The following STRN3 variants were observed in gnomAD, a reference collection of about 807,000 sequenced individuals.
STRN3 encodes striatin-3.
Under a neutral mutation model 95.6 loss-of-function variants are expected in STRN3, and 29 were observed. The ratio of observed to expected loss-of-function variants is 0.30; its 90% confidence interval spans 0.23 to 0.41. The LOEUF is 0.41. STRN3 is among the 10% of genes least tolerant of loss of function. STRN3 has a pLI of 1.00. For synonymous variants in STRN3, 331 were observed against 357.6 expected, an observed-to-expected ratio of 0.93 and a Z score of 0.84; for missense variants, 890 against 972.1, an observed-to-expected ratio of 0.92 and a Z score of 1.12.
intron 3 of STRN3, among the ~76,000 whole-genome samples, chr14:30,951,680 G>C (rs189866259): frequency 1.3e-5 from 2 of 152,270 alleles, no homozygotes; most frequent in East Asian, 3.9e-4. Flanking sequence ...GTCTATATCA[G>C]TGGACCTTAA....
Position 30,920,435 on chromosome 14 carries a change from G to A in STRN3, c.1100-1329C>T, listed in dbSNP as rs143872892. On this transcript the variant is annotated intron_variant, in intron 8 of 17. Transcript: ENST00000357479. ...TGTCCAACCACCAGTTACATTCAAC[G>A]TAAAAGAACATAAACATTATTCTTT... 5.4e-3 allele frequency among the ~76,000 whole-genome samples: 819 copies of A among 152,028 alleles called. 7 individuals are homozygous for A. The highest frequency in any genetic ancestry group is 0.019 in the African/African-American group (772 of 41,472).
At chr14:30,929,094 C>A in intron 8 of STRN3, 107 bp downstream of exon 8, 1 of 812,512 alleles carries the variant, frequency 1.2e-6, no homozygotes, top group Admixed American at 2.9e-5. Context: ...AAGTTAGTTG[C>A]CCCCTTTATG....
intron 12 of STRN3, 133 bp from the exon 13 acceptor site, chr14:30,911,295 CTTTTTTTT>C (rs11297035): frequency 5.7e-5 from 26 of 453,282 alleles, no homozygotes; most frequent in East Asian, 4.0e-4. Context: ...CTGACTGGTA[CTTTTTTTT>C]TTTTTTTTTT....
chr14:31,013,681 A>G (rs923263360), intron 1 of STRN3, among the ~76,000 whole-genome samples: 2 of 151,090 alleles, frequency 1.3e-5, no homozygotes, highest in African/African-American at 2.4e-5. Flanking sequence ...ACAACTTCAA[A>G]CTCCTGGGCT....
chr14:30,933,946 G>A (rs1878684464), intron 7 of STRN3, among the ~76,000 whole-genome samples: 1 of 152,116 alleles, frequency 6.6e-6, no homozygotes, highest in South Asian at 2.1e-4. Flanking sequence ...TAAAATCCAA[G>A]TGTTTGCTAT....
At position 30,935,234 on chromosome 14, in the gene STRN3, T is replaced by C; in HGVS notation, c.917A>G (p.Asp306Gly). 13 of 1,614,130 alleles carry C rather than the reference T, an allele frequency of 8.1e-6. No homozygotes were observed. Among genetic ancestry groups the C allele is most frequent in the Non-Finnish European group, 1.1e-5 (13 of 1,179,998 alleles). ...PDTEEALKEF[D>G]FLVTAEDGEG... is the part of the protein sequence containing the mutation. Reference sequence around the variant, plus strand: ...ACCATCTTCAGCAGTCACTAAAAAATCAAATTCTTTCAGTGCTTCCTCAGT... The same window carrying C: ...ACCATCTTCAGCAGTCACTAAAAAACCAAATTCTTTCAGTGCTTCCTCAGT... The change falls in exon 7 of 18, where the codon GAT (aspartate) becomes GGT (glycine). Residue 306 changes from aspartate to glycine, a missense_variant. Physicochemically the swap from Asp to Gly is moderately conservative, Grantham distance 94. Coordinates refer to ENST00000357479, the MANE Select transcript of STRN3 (RefSeq NM_001083893.2).
intron 1 of STRN3, among the ~76,000 whole-genome samples, chr14:30,990,735 A>C (rs895422657): frequency 6.6e-6 from 1 of 152,226 alleles, no homozygotes; most frequent in African/African-American, 2.4e-5. Context: ...AAAATGGTGT[A>C]GTATTTGCAT....
At chr14:30,995,729 T>TA (rs1566481968) in intron 1 of STRN3, among the ~76,000 whole-genome samples, 1 of 152,090 alleles carries the variant, frequency 6.6e-6, no homozygotes, top group East Asian at 1.9e-4. Flanking sequence ...ACTAATTCAT[T>TA]AAAAAAGAAA....
At chr14:31,006,118 CAAA>C (rs370320880) in intron 1 of STRN3, among the ~76,000 whole-genome samples, 2 of 75,262 alleles carry the variant, frequency 2.7e-5, no homozygotes, top group Non-Finnish European at 2.7e-5. Flanking sequence ...GACTCTGTCT[CAAA>C]AAAAAAAAAA....
intron 1 of STRN3, among the ~76,000 whole-genome samples, chr14:30,973,487 A>C (rs915701943): frequency 6.6e-6 from 1 of 152,124 alleles, no homozygotes; most frequent in Admixed American, 6.6e-5. Flanking sequence ...ACACAAATAA[A>C]TCTCCCAACA....
rs1896101873 is a variant in STRN3, at chr14:30,895,077, A to AAAAG, written c.*333_*334insCTTT. On this transcript the variant is annotated 3_prime_UTR_variant, in exon 18 of 18. Transcript: ENST00000357479. ...CCAAAAAAAAAAAAAAAAAAAAAAA[A>AAAAG]AAGAAGAAGAAGAAGAGAAAAAAAA... The AAAAG allele has an allele frequency of 6.5e-5, 12 of 184,302 alleles. No homozygotes were observed. Among genetic ancestry groups the AAAAG allele is most frequent in the South Asian group, 1.5e-4 (1 of 6,538 alleles). The allele number at this position is 184,302 out of a possible 1,614,324, so 11.4% of individuals were successfully genotyped here.
intron 1 of STRN3, among the ~76,000 whole-genome samples, chr14:31,007,125 A>T (rs1882754782): frequency 6.6e-6 from 1 of 152,270 alleles, no homozygotes; most frequent in African/African-American, 2.4e-5. Flanking sequence ...AGAAACAATT[A>T]AATAACATTT....
chr14:30,991,912 C>T (rs535001651), intron 1 of STRN3, among the ~76,000 whole-genome samples: 67 of 145,536 alleles, frequency 4.6e-4, no homozygotes, highest in African/African-American at 1.6e-3. Context: ...ATAGCAAGAC[C>T]CCTTCTCTAT....
At position 30,895,506 on chromosome 14, in the gene STRN3, T is replaced by C; in HGVS notation, c.2299A>G (p.Lys767Glu). 6.2e-7 allele frequency: 1 copy of C among 1,614,158 alleles called. No individual in the cohort carries two copies. Among genetic ancestry groups the C allele is most frequent in the Admixed American group, 1.7e-5 (1 of 60,026 alleles). Residue 767 changes from lysine to glutamate, a missense_variant, in exon 18 of 18, where the codon AAA (lysine) becomes GAA (glutamate). This residue lies in a region of STRN3 where 357 missense variants were observed against 422.8 expected (regional missense o/e 0.84). Transcript: ENST00000357479. ...CVQEITAHRK[K>E]LDESIYDVAF... ...ACATCATAAATTGATTCATCCAATT[T>C]CTTTCTGTGAGCTGTTATTTCTTGC...
intron 9 of STRN3, among the ~76,000 whole-genome samples, chr14:30,914,439 A>C (rs6571368): frequency 6.6e-6 from 1 of 152,050 alleles, no homozygotes; most frequent in Non-Finnish European, 1.5e-5. Context: ...TGCAACCTCC[A>C]CCTCCTAGGT....
intron 1 of STRN3, among the ~76,000 whole-genome samples, chr14:30,978,555 G>C (rs1881228788): frequency 6.6e-6 from 1 of 152,166 alleles, no homozygotes; most frequent in Admixed American, 6.5e-5. Context: ...AGACTGGGAA[G>C]AAGGCAAGGA....
At chr14:31,014,389 T>A (rs925926786) in intron 1 of STRN3, among the ~76,000 whole-genome samples, 7 of 151,938 alleles carry the variant, frequency 4.6e-5, no homozygotes, top group African/African-American at 1.7e-4. Flanking sequence ...ACCCTGCTAA[T>A]TTTTGTATTT....
chr14:30,983,665 T>C (rs1159496650), intron 1 of STRN3, among the ~76,000 whole-genome samples: 1 of 152,188 alleles, frequency 6.6e-6, no homozygotes, highest in Non-Finnish European at 1.5e-5. Flanking sequence ...ATTCAGTATA[T>C]TAATGATCAA....
chr14:30,955,207 C>T (rs917128254), intron 3 of STRN3, among the ~76,000 whole-genome samples: 2 of 152,116 alleles, frequency 1.3e-5, no homozygotes, highest in South Asian at 2.1e-4. Flanking sequence ...TAAAGTTCTG[C>T]TGCTAAGACT....
Sources: gnomAD v4.1 joint callset for allele counts (sites outside exome capture counted in the v4.1 genomes callset) on GRCh38, gnomAD v4.1.1 for gene constraint, gnomAD v4.1.1 regional missense constraint, MANE v1.5 for transcripts, NCBI Gene and HGNC (gene_info 2026-07-23, HGNC 2026-07-21) for gene names.